HDAC9: variants seen among roughly 807,000 people sequenced by gnomAD.
The protein encoded by HDAC9 is MEF-2 interacting transcription repressor (MITR) protein.
HDAC9 carries 41 observed loss-of-function variants against 139.4 expected under a neutral mutation model. That is an observed-to-expected ratio of 0.29 (90% confidence interval 0.23 to 0.38). HDAC9 has a LOEUF of 0.38. Among genes scored for constraint, HDAC9 ranks in the 10% least tolerant of loss-of-function variants. The pLI is 1.00. For synonymous variants in HDAC9, 517 were observed against 476.2 expected, an observed-to-expected ratio of 1.09 and a Z score of -1.12; for missense variants, 1,147 against 1,297.0, an observed-to-expected ratio of 0.88 and a Z score of 1.78.
At chr7:18,785,448 A>C (rs1189074715) in intron 16 of HDAC9, among the ~76,000 whole-genome samples, 2 of 152,224 alleles carry the variant, frequency 1.3e-5, no homozygotes, top group South Asian at 2.1e-4. Flanking sequence ...AGAAAGTGCC[A>C]AATGACCCCT....
chr7:18,712,574 T>C lies in HDAC9; in HGVS notation c.1732-15006T>C, dbSNP rs1784423256. On this transcript the variant is annotated intron_variant, in intron 12 of 25. Coordinates refer to ENST00000686413, the MANE Select transcript of HDAC9 (RefSeq NM_178425.4). The stretch of plus-strand genomic sequence containing the variant: ...AGAACTGTTTTAGCCTTTACTCAAG[T>C]TGTGAACAAATATTATGATGATGAC... 2.0e-5 allele frequency among the ~76,000 whole-genome samples: 3 copies of C among 152,166 alleles called. No individual in the cohort carries two copies. In the South Asian group the frequency reaches 6.2e-4, roughly 32 times the overall value.
chr7:18,491,632 T>C (rs755746696), upstream of HDAC9, among the ~76,000 whole-genome samples: 1 of 152,042 alleles, frequency 6.6e-6, no homozygotes, highest in Non-Finnish European at 1.5e-5. Flanking sequence ...CTTTCATTTA[T>C]TGAAGAAATT....
chr7:18,266,113 T>C (rs1167370112), intron 2 of HDAC9, among the ~76,000 whole-genome samples: 1 of 152,132 alleles, frequency 6.6e-6, no homozygotes, highest in East Asian at 1.9e-4. Context: ...AAAATGTGTG[T>C]CACTAAATTA....
At chr7:18,519,285 C>T (rs1255439139) in intron 2 of HDAC9, among the ~76,000 whole-genome samples, 1 of 152,088 alleles carries the variant, frequency 6.6e-6, no homozygotes, top group African/African-American at 2.4e-5. Context: ...TGGTATTCTT[C>T]GTAGTCAGAA....
intron 1 of HDAC9, among the ~76,000 whole-genome samples, chr7:18,148,624 T>C (rs1377122882): frequency 6.6e-6 from 1 of 151,514 alleles, no homozygotes; most frequent in Non-Finnish European, 1.5e-5. Context: ...GCCCAGCTAA[T>C]TTTTTTTGTA....
At chr7:18,979,180 T>G (rs2129340007) in intron 25 of HDAC9, among the ~76,000 whole-genome samples, 1 of 152,274 alleles carries the variant, frequency 6.6e-6, no homozygotes, top group South Asian at 2.1e-4. Context: ...ACCACTTTGT[T>G]TTTTGGGTAA....
At chr7:18,285,836 C>T (rs1660088139), upstream of HDAC9, among the ~76,000 whole-genome samples, 1 of 151,972 alleles carries the variant, frequency 6.6e-6, no homozygotes, top group South Asian at 2.1e-4. Context: ...AAAATCTTGG[C>T]TAAAAATAAT....
At chr7:18,392,586 T>A (rs1786634885) in intron 1 of HDAC9, among the ~76,000 whole-genome samples, 1 of 152,134 alleles carries the variant, frequency 6.6e-6, no homozygotes, top group African/African-American at 2.4e-5. Flanking sequence ...TTTTCTGACA[T>A]CTGCAATCCA....
chr7:18,815,494 A>C (rs1431648465), intron 17 of HDAC9, among the ~76,000 whole-genome samples: 1 of 152,202 alleles, frequency 6.6e-6, no homozygotes, highest in Non-Finnish European at 1.5e-5. Flanking sequence ...GCTCAACTTA[A>C]ATTACATGCA....
chr7:18,513,642 G>T (rs1044630889), intron 2 of HDAC9, among the ~76,000 whole-genome samples: 1 of 152,168 alleles, frequency 6.6e-6, no homozygotes, highest in African/African-American at 2.4e-5. Flanking sequence ...CAACACAATA[G>T]AGAGGATTTT....
At chr7:18,608,594 T>C (rs1836203058) in intron 6 of HDAC9, among the ~76,000 whole-genome samples, 1 of 152,200 alleles carries the variant, frequency 6.6e-6, no homozygotes, top group African/African-American at 2.4e-5. Context: ...TAATTTTTGC[T>C]ATAAAAGCTG....
chr7:18,463,252 A>T (rs985603467), intron 1 of HDAC9, among the ~76,000 whole-genome samples: 3 of 152,004 alleles, frequency 2.0e-5, no homozygotes. Context: ...GCGCCAAGAT[A>T]TACCCACATA....
At chr7:18,538,384 T>C (rs928559038) in intron 2 of HDAC9, among the ~76,000 whole-genome samples, 1 of 152,206 alleles carries the variant, frequency 6.6e-6, no homozygotes, top group Non-Finnish European at 1.5e-5. Context: ...AGTTGCATAC[T>C]TAGAAACCGT....
chr7:18,803,392 C>T (rs1376123086), intron 17 of HDAC9, among the ~76,000 whole-genome samples: 1 of 152,080 alleles, frequency 6.6e-6, no homozygotes, highest in Non-Finnish European at 1.5e-5. Flanking sequence ...CGCTATTTAC[C>T]ATTTTTCTTA....
chr7:18,742,572 T>C (rs1787559270), intron 13 of HDAC9, among the ~76,000 whole-genome samples: 1 of 152,214 alleles, frequency 6.6e-6, no homozygotes, highest in East Asian at 1.9e-4. Flanking sequence ...ATTTGGAATC[T>C]AACCAGCAAT....
At chr7:18,974,933 A>C (rs1034921985) in intron 24 of HDAC9, among the ~76,000 whole-genome samples, 2 of 152,182 alleles carry the variant, frequency 1.3e-5, no homozygotes, top group African/African-American at 2.4e-5. Flanking sequence ...GTAAGCAAAC[A>C]CTGCATACCA....
chr7:18,761,350 T>C lies in HDAC9; in HGVS notation c.2044-807T>C, dbSNP rs573765047. ...CTCTGCCTAGCCTTTTTGGAAAAAATTGATGGAGTCTAGAGTGTCTCAAAC... is the reference window on the plus strand; with the variant it reads ...CTCTGCCTAGCCTTTTTGGAAAAAACTGATGGAGTCTAGAGTGTCTCAAAC... On this transcript the variant is annotated intron_variant, in intron 14 of 25. Coordinates refer to ENST00000686413, the MANE Select transcript of HDAC9 (RefSeq NM_178425.4). 1.2e-3 allele frequency among the ~76,000 whole-genome samples: 178 copies of C among 152,300 alleles called. 1 individual carries two copies. The highest frequency in any genetic ancestry group is 4.1e-3 in the African/African-American group (171 of 41,576).
At chr7:18,200,774 A>G (rs1053755655) in intron 2 of HDAC9, among the ~76,000 whole-genome samples, 6 of 152,162 alleles carry the variant, frequency 3.9e-5, no homozygotes, top group African/African-American at 9.7e-5. Context: ...ACAGAGGTCA[A>G]TGTCCTATTT....
At chr7:18,219,352 G>C (rs1298931805) in intron 2 of HDAC9, among the ~76,000 whole-genome samples, 1 of 152,112 alleles carries the variant, frequency 6.6e-6, no homozygotes, top group Non-Finnish European at 1.5e-5. Flanking sequence ...AATGAACCTG[G>C]AAGTGTTGAA....
Sources: gnomAD v4.1 joint callset for allele counts (sites outside exome capture counted in the v4.1 genomes callset) on GRCh38, gnomAD v4.1.1 for gene constraint, MANE v1.5 for transcripts, NCBI Gene and HGNC (gene_info 2026-07-23, HGNC 2026-07-21) for gene names.